SLCO1A2: variants seen among roughly 807,000 people sequenced by gnomAD.
SLCO1A2 encodes the protein solute carrier organic anion transporter family member 1A2.
In SLCO1A2, 67 loss-of-function variants were observed where a neutral mutation model predicts 69.0. That is an observed-to-expected ratio of 0.97 (90% CI 0.80 to 1.19). SLCO1A2 has a LOEUF of 1.19. Among genes scored for constraint, SLCO1A2 ranks in the 50% most tolerant of loss-of-function variants. SLCO1A2 has a pLI of 0.00. For missense variants in SLCO1A2, 787 were observed against 793.7 expected (o/e 0.99, Z 0.10); for synonymous variants, 260 against 265.9 (o/e 0.98, Z 0.22).
At chr12:21,347,370 G>A (rs1220675205) in intron 2 of SLCO1A2, among the ~76,000 whole-genome samples, 1 of 152,168 alleles carries the variant, frequency 6.6e-6, no homozygotes, top group Non-Finnish European at 1.5e-5. Flanking sequence ...TGGGGGCCAG[G>A]TGCGGTGGCT....
chr12:21,410,540 C>T (rs765613115), intron 1 of SLCO1A2, among the ~76,000 whole-genome samples: 13 of 152,102 alleles, frequency 8.5e-5, no homozygotes, highest in Non-Finnish European at 1.3e-4. Flanking sequence ...CTTTAATGAG[C>T]TTTTGGATTG....
chr12:21,296,770 G>T (rs1056802040), intron 9 of SLCO1A2, among the ~76,000 whole-genome samples: 1 of 152,182 alleles, frequency 6.6e-6, no homozygotes, highest in Non-Finnish European at 1.5e-5. Flanking sequence ...AGAGCCCCAC[G>T]CCCTAGAGTC....
chr12:21,364,619 A>G (rs1207485956), intron 2 of SLCO1A2, among the ~76,000 whole-genome samples: 1 of 152,238 alleles, frequency 6.6e-6, no homozygotes, highest in Admixed American at 6.5e-5. Flanking sequence ...TCCCTGTTGC[A>G]GAGGACATGA....
Position 21,266,254 on chromosome 12 carries a change from ATTG to A in SLCO1A2, c.*3291_*3293del, listed in dbSNP as rs1396274469. On this transcript the variant is annotated 3_prime_UTR_variant, in exon 15 of 15. Transcript: ENST00000683939. The stretch of plus-strand genomic sequence containing the variant: ...ACTTAGTCTTTGTCTTGTCTTTCTT[ATTG>A]TTAGTACAGACATAAGAGAATTTCC... 1.3e-5 allele frequency: 2 copies of A among 152,188 alleles called. No individual in the cohort carries two copies. The highest frequency in any genetic ancestry group is 3.9e-4 in the East Asian group (2 of 5,178). The allele number at this position is 152,188 out of a possible 1,614,324, so 9.4% of individuals were successfully genotyped here. A position where few individuals can be genotyped will look rare whatever the true frequency, so the allele number is the denominator to read the frequency against.
intron 2 of SLCO1A2, among the ~76,000 whole-genome samples, chr12:21,356,393 C>T (rs1244650881): frequency 5.3e-5 from 8 of 151,692 alleles, no homozygotes; most frequent in African/African-American, 1.9e-4. Context: ...CAAAACATAT[C>T]TCTATTATAT....
intron 12 of SLCO1A2, among the ~76,000 whole-genome samples, chr12:21,281,473 A>G (rs989108664): frequency 2.6e-5 from 4 of 152,038 alleles, no homozygotes; most frequent in Admixed American, 2.6e-4. Flanking sequence ...AAGAAAAAAA[A>G]CCAATAATGC....
At chr12:21,338,283 T>C (rs146351252), upstream of SLCO1A2, among the ~76,000 whole-genome samples, 38 of 152,052 alleles carry the variant, frequency 2.5e-4, no homozygotes, top group African/African-American at 7.2e-4. Flanking sequence ...TGCCTAATTG[T>C]AGTGAGAATC....
intron 9 of SLCO1A2, 36 bp downstream of exon 9, chr12:21,297,368 A>T: frequency 6.4e-7 from 1 of 1,563,658 alleles, no homozygotes; most frequent in African/African-American, 1.4e-5. Context: ...CGTGGGGGGG[A>T]AAGTGTGCTA....
chr12:21,310,768 C>A (rs1190841096), intron 4 of SLCO1A2, among the ~76,000 whole-genome samples: 1 of 152,026 alleles, frequency 6.6e-6, no homozygotes, highest in East Asian at 1.9e-4. Flanking sequence ...ACGCCTGGCT[C>A]ATTTTTTTGT....
At chr12:21,279,755 A>C (rs1476063489) in intron 12 of SLCO1A2, among the ~76,000 whole-genome samples, 1 of 152,234 alleles carries the variant, frequency 6.6e-6, no homozygotes, top group African/African-American at 2.4e-5. Flanking sequence ...ATTCATCTGA[A>C]GGTACAAAGA....
intron 2 of SLCO1A2, among the ~76,000 whole-genome samples, chr12:21,356,181 T>C (rs1158391503): frequency 6.6e-6 from 1 of 152,058 alleles, no homozygotes; most frequent in Non-Finnish European, 1.5e-5. Flanking sequence ...AGTTTCACCA[T>C]ATATTTTTAA....
At chr12:21,359,923 G>A (rs550679592) in intron 2 of SLCO1A2, among the ~76,000 whole-genome samples, 5 of 152,140 alleles carry the variant, frequency 3.3e-5, no homozygotes, top group Non-Finnish European at 5.9e-5. Flanking sequence ...TAAACATTTT[G>A]TAATATATTC....
chr12:21,332,544 A>G (rs1326227083), intron 2 of SLCO1A2, among the ~76,000 whole-genome samples: 3 of 152,126 alleles, frequency 2.0e-5, no homozygotes, highest in African/African-American at 7.2e-5. Flanking sequence ...CCTCCTTCCC[A>G]TAACAGCCTA....
At chr12:21,363,729 T>C (rs75626361) in intron 2 of SLCO1A2, among the ~76,000 whole-genome samples, 49,231 of 151,920 alleles carry the variant, frequency 0.32, 8,284 homozygotes, top group East Asian at 0.46. Context: ...CCATCGATCC[T>C]ACAGAAATAC....
chr12:21,382,582 G>C (rs1940653969), intron 1 of SLCO1A2, among the ~76,000 whole-genome samples: 2 of 152,088 alleles, frequency 1.3e-5, no homozygotes, highest in Admixed American at 1.3e-4. Flanking sequence ...CGGATCACAA[G>C]GTCAGGAGTT....
chr12:21,401,867 GTAT>G (rs772056573), intron 1 of SLCO1A2, among the ~76,000 whole-genome samples: 7 of 151,428 alleles, frequency 4.6e-5, no homozygotes, highest in Non-Finnish European at 7.4e-5. Context: ...AAATGAAAAT[GTAT>G]TATATGATAA....
intron 4 of SLCO1A2, among the ~76,000 whole-genome samples, chr12:21,310,721 GC>G (rs1272827561): frequency 6.6e-6 from 1 of 152,180 alleles, no homozygotes; most frequent in Non-Finnish European, 1.5e-5. Context: ...TCCTGCCTCA[GC>G]CTCCTGAGTA....
Position 21,304,528 on chromosome 12 carries a change from A to T in SLCO1A2, c.488T>A (p.Val163Glu), listed in dbSNP as rs761755553. 1 of 1,613,214 alleles carries T rather than the reference A, an allele frequency of 6.2e-7. No homozygotes were observed. Among genetic ancestry groups the T allele is most frequent in the South Asian group, 1.1e-5 (1 of 91,034 alleles). Reference protein sequence around the residue: ...VKSLMWVYVLVGNIVRGMGET... With the variant: ...VKSLMWVYVLEGNIVRGMGET... ...ACCCATTCCACGTACAATATTGCCTACTAGGACGTACACCCACATTAATGA... is the reference window on the plus strand; with the variant it reads ...ACCCATTCCACGTACAATATTGCCTTCTAGGACGTACACCCACATTAATGA... Residue 163 changes from valine (V) to glutamate (E), a missense_variant, in exon 6 of 15, where the codon GTA becomes GAA. Transcript: ENST00000683939.
chr12:21,331,189 G>A (rs1952593560), intron 2 of SLCO1A2, among the ~76,000 whole-genome samples: 1 of 152,030 alleles, frequency 6.6e-6, no homozygotes, highest in South Asian at 2.1e-4. Flanking sequence ...AAACTCCACA[G>A]AGAAAGAAAG....
Sources: allele counts gnomAD v4.1 joint callset (sites outside exome capture counted in the v4.1 genomes callset), GRCh38; gene constraint gnomAD v4.1.1; transcripts MANE v1.5; gene names NCBI Gene and HGNC (gene_info 2026-07-23, HGNC 2026-07-21).